RANBP2: variants seen among roughly 807,000 people sequenced by gnomAD.
RANBP2 encodes RAN binding protein 2, also known as E3 SUMO-protein ligase RanBP2.
RANBP2 carries 57 observed loss-of-function variants against 303.6 expected under a neutral mutation model. The ratio of observed to expected loss-of-function variants is 0.19; its 90% CI spans 0.15 to 0.23. The LOEUF (loss-of-function observed/expected upper bound fraction) is 0.23, where lower values mean the gene tolerates loss of function less well. RANBP2 is among the 10% of genes least tolerant of loss of function. The pLI is 1.00. For missense variants in RANBP2, 3,138 were observed against 3,780.8 expected (o/e 0.83, Z 4.46); for synonymous variants, 1,167 against 1,301.5 (o/e 0.90, Z 2.23).
the RANBP2 span, among the ~76,000 whole-genome samples, chr2:109,707,323 T>C: frequency 6.6e-6 from 1 of 152,168 alleles, no homozygotes; most frequent in African/African-American, 2.4e-5. Flanking sequence ...TCTTGCCTTC[T>C]ATCCTCTGTG....
chr2:108,872,048 T>A, the RANBP2 span, among the ~76,000 whole-genome samples: 1 of 152,222 alleles, frequency 6.6e-6, no homozygotes, highest in Non-Finnish European at 1.5e-5. Flanking sequence ...AAGAGGTACT[T>A]CATGTTTGAG....
At chr2:109,567,124 G>A in the RANBP2 span, among the ~76,000 whole-genome samples, 1 of 152,232 alleles carries the variant, frequency 6.6e-6, no homozygotes, top group Non-Finnish European at 1.5e-5. Flanking sequence ...GTCACTGTTA[G>A]GCGCTTAACA....
the RANBP2 span, chr2:109,615,301 G>T: frequency 6.2e-7 from 1 of 1,603,744 alleles, no homozygotes; most frequent in Non-Finnish European, 8.5e-7. Context: ...GAGCACGCGT[G>T]GATGCTCTCT....
At chr2:109,527,647 G>C in the RANBP2 span, among the ~76,000 whole-genome samples, 5 of 152,130 alleles carry the variant, frequency 3.3e-5, no homozygotes, top group Non-Finnish European at 7.3e-5. Flanking sequence ...AGTCACGTCA[G>C]GTGTTAATGT....
chr2:109,261,849 C>T, the RANBP2 span, among the ~76,000 whole-genome samples: 1 of 152,154 alleles, frequency 6.6e-6, no homozygotes, highest in East Asian at 1.9e-4. Flanking sequence ...GAAACTGAGG[C>T]TTGCCTTTTT....
chr2:109,622,902 T>A, the RANBP2 span, among the ~76,000 whole-genome samples: 6 of 152,080 alleles, frequency 3.9e-5, no homozygotes, highest in Non-Finnish European at 7.4e-5. Context: ...CTGAGGCAGG[T>A]GGATCACCTG....
chr2:108,824,665 T>A, the RANBP2 span, among the ~76,000 whole-genome samples: 1 of 152,180 alleles, frequency 6.6e-6, no homozygotes, highest in Non-Finnish European at 1.5e-5. Context: ...GTAGCAAATA[T>A]GTAACCAGTA....
chr2:108,913,107 C>T, the RANBP2 span, among the ~76,000 whole-genome samples: 2 of 152,028 alleles, frequency 1.3e-5, no homozygotes, highest in African/African-American at 2.4e-5. Context: ...CACCACCACA[C>T]CTGGCTAATT....
At chr2:109,001,271 G>A in the RANBP2 span, among the ~76,000 whole-genome samples, 2 of 142,626 alleles carry the variant, frequency 1.4e-5, no homozygotes, top group Non-Finnish European at 2.9e-5. Flanking sequence ...GAAAGAATCA[G>A]GACCCTCAGC....
chr2:108,743,625 C>T (rs539413491), intron 7 of RANBP2, among the ~76,000 whole-genome samples: 1 of 152,354 alleles, frequency 6.6e-6, no homozygotes, highest in Non-Finnish European at 1.5e-5. Flanking sequence ...AATCCATTCA[C>T]TCAGGTCTCC....
chr2:109,422,348 C>T, the RANBP2 span, among the ~76,000 whole-genome samples: 3 of 152,180 alleles, frequency 2.0e-5, no homozygotes, highest in Admixed American at 2.0e-4. Flanking sequence ...ATAGCTTTGA[C>T]CTCTCCAGGC....
the RANBP2 span, among the ~76,000 whole-genome samples, chr2:109,712,416 C>T: frequency 6.6e-6 from 1 of 152,128 alleles, no homozygotes; most frequent in Non-Finnish European, 1.5e-5. Flanking sequence ...GCCTTTTCCA[C>T]TATAAAAAAT....
chr2:109,734,190 A>AAG, the RANBP2 span, among the ~76,000 whole-genome samples: 2 of 151,874 alleles, frequency 1.3e-5, no homozygotes, highest in East Asian at 3.9e-4. Context: ...AAAAAAAAAA[A>AAG]AAATCCAAAT....
chr2:109,432,692 G>A, the RANBP2 span: 326 of 1,602,910 alleles, frequency 2.0e-4, no homozygotes, highest in African/African-American at 4.1e-3. Flanking sequence ...GGTGGTGGCA[G>A]CCTGGGCAAG....
At chr2:109,053,153 C>T in the RANBP2 span, among the ~76,000 whole-genome samples, 1 of 152,186 alleles carries the variant, frequency 6.6e-6, no homozygotes, top group Non-Finnish European at 1.5e-5. Flanking sequence ...ATCTCCAGGC[C>T]TCAGGCTGGT....
chr2:109,105,082 G>A, the RANBP2 span, among the ~76,000 whole-genome samples: 1 of 152,166 alleles, frequency 6.6e-6, no homozygotes, highest in African/African-American at 2.4e-5. Flanking sequence ...TTGTTAAACT[G>A]TCTCTCTAAA....
chr2:108,907,647 TC>T, the RANBP2 span, among the ~76,000 whole-genome samples: 51 of 28,188 alleles, frequency 1.8e-3, no homozygotes, highest in Non-Finnish European at 2.8e-3. Context: ...GACTCTCATC[TC>T]CAAAAAAAAA....
At chr2:109,469,899 G>A in the RANBP2 span, among the ~76,000 whole-genome samples, 1 of 152,198 alleles carries the variant, frequency 6.6e-6, no homozygotes, top group Non-Finnish European at 1.5e-5. Flanking sequence ...ACATTCTTCT[G>A]TGGGGGTCTG....
At chr2:108,991,986 G>C in the RANBP2 span, among the ~76,000 whole-genome samples, 7 of 152,100 alleles carry the variant, frequency 4.6e-5, no homozygotes, top group Admixed American at 3.9e-4. Context: ...TTTTAGTAGA[G>C]ACAGAGTTTC....
Sources: gnomAD v4.1 joint callset for allele counts (sites outside exome capture counted in the v4.1 genomes callset) on GRCh38, gnomAD v4.1.1 for gene constraint, MANE v1.5 for transcripts, NCBI Gene and HGNC (gene_info 2026-07-23, HGNC 2026-07-21) for gene names.